Variants in CUBN observed in about 807,000 individuals in gnomAD.
CUBN encodes cubilin.
In CUBN, 282 loss-of-function variants were observed where a neutral mutation model predicts 405.3. That is an observed-to-expected ratio of 0.70 (90% CI 0.63 to 0.77). The LOEUF is 0.77. Ranked by LOEUF, CUBN falls within the 30% of genes least tolerant of loss-of-function variation. The probability of loss-of-function intolerance (pLI) is 0.00; values close to 1 mark genes in which losing one functional copy is unlikely to be tolerated. For missense variants in CUBN, 4,514 were observed against 4,475.2 expected, an observed-to-expected ratio of 1.01 and a Z score of -0.25; for synonymous variants, 1,684 against 1,617.0, an observed-to-expected ratio of 1.04 and a Z score of -0.99.
At chr10:16,898,172 A>G (rs1387421182) in intron 54 of CUBN, among the ~76,000 whole-genome samples, 4 of 151,926 alleles carry the variant, frequency 2.6e-5, no homozygotes, top group Admixed American at 2.0e-4. Context: ...ATAGGAAGTA[A>G]TAACACTGAC....
At position 16,888,428 on chromosome 10, in the gene CUBN, A is replaced by G. The variant is rs117620008; in HGVS notation, c.8894T>C (p.Phe2965Ser). Residue 2965 changes from phenylalanine (F) to serine (S), a missense_variant, in exon 56 of 67, where the codon TTC (phenylalanine) becomes TCC (serine). Physicochemically the swap from Phe to Ser is radical, Grantham distance 155. Coordinates refer to ENST00000377833, the MANE Select transcript of CUBN (RefSeq NM_001081.4). ...LSVVLLTFVS[F>S]HLEARSAVTG... is the part of the protein sequence containing the mutation. Reference sequence around the variant, plus strand: ...AAGAATAAACTTACCTTCTAAGTGGAAGGACACAAAAGTCAAGAGGACCAC... The same window carrying G: ...AAGAATAAACTTACCTTCTAAGTGGGAGGACACAAAAGTCAAGAGGACCAC... The G allele has an allele frequency of 2.1e-3, 3,363 of 1,613,028 alleles. 5 individuals carry two copies. The highest frequency in any genetic ancestry group is 2.7e-3 in the Non-Finnish European group (3,156 of 1,179,082).
At chr10:16,976,822 C>G (rs72773273) in intron 31 of CUBN, among the ~76,000 whole-genome samples, 2 of 152,068 alleles carry the variant, frequency 1.3e-5, no homozygotes, top group Non-Finnish European at 2.9e-5. Flanking sequence ...CACTATTTAT[C>G]TCTTCATCTC....
intron 59 of CUBN, among the ~76,000 whole-genome samples, chr10:16,855,757 A>G (rs1010245213): frequency 3.3e-5 from 5 of 152,210 alleles, no homozygotes; most frequent in African/African-American, 4.8e-5. Context: ...CAATTCACAA[A>G]ATATACACAC....
intron 56 of CUBN, among the ~76,000 whole-genome samples, chr10:16,887,427 C>A (rs1405003785): frequency 6.6e-6 from 1 of 152,212 alleles, no homozygotes. Flanking sequence ...TAAATCTACT[C>A]TGTAACATAT....
At chr10:16,962,194 C>A (rs76209010) in intron 31 of CUBN, among the ~76,000 whole-genome samples, 26,939 of 152,046 alleles carry the variant, frequency 0.18, 2,475 homozygotes, top group Non-Finnish European at 0.19. Context: ...ATACTGTTCA[C>A]AAGAATAAGT....
chr10:16,941,234 T>C (rs530327010), intron 36 of CUBN, among the ~76,000 whole-genome samples: 39 of 152,254 alleles, frequency 2.6e-4, no homozygotes, highest in African/African-American at 8.7e-4. Flanking sequence ...ATTCAATCCA[T>C]GGTGCCAAGA....
chr10:17,019,404 A>C (rs1447552112), intron 28 of CUBN, among the ~76,000 whole-genome samples: 1 of 151,590 alleles, frequency 6.6e-6, no homozygotes, highest in Non-Finnish European at 1.5e-5. Flanking sequence ...TCCCTGTCTG[A>C]CTTTCATTCT....
intron 28 of CUBN, among the ~76,000 whole-genome samples, chr10:16,994,802 AATACCAGCCAGGCGTGGTAG>A (rs1291281390): frequency 4.6e-5 from 7 of 152,230 alleles, no homozygotes; most frequent in African/African-American, 9.6e-5. Flanking sequence ...AAAAGATGAA[AATACCAGCCAGGCGTGGTAG>A]TTCACACCTG....
At chr10:17,094,469 C>A (rs541287706) in intron 14 of CUBN, among the ~76,000 whole-genome samples, 2 of 152,122 alleles carry the variant, frequency 1.3e-5, no homozygotes, top group Non-Finnish European at 2.9e-5. Flanking sequence ...GGTCTGTTTG[C>A]AAATGGCATG....
Position 16,925,567 on chromosome 10 carries a change from G to A in CUBN, c.6462+17C>T. 6.2e-7 allele frequency: 1 copy of A among 1,613,612 alleles called. No individual in the cohort carries two copies. The highest frequency in any genetic ancestry group is 8.5e-7 in the Non-Finnish European group (1 of 1,179,832). On this transcript the variant is annotated intron_variant, in intron 42 of 66. Transcript: ENST00000377833. The stretch of plus-strand genomic sequence containing the variant: ...TCTATGGAAAATGTAATTAGAAAGG[G>A]TAGCAGCAAGACCTACCACCAAGTA...
chr10:16,868,784 C>A (rs1840261619), intron 59 of CUBN, among the ~76,000 whole-genome samples: 1 of 152,104 alleles, frequency 6.6e-6, no homozygotes, highest in African/African-American at 2.4e-5. Flanking sequence ...CTACATCACC[C>A]TCTCCAGTCC....
intron 60 of CUBN, among the ~76,000 whole-genome samples, chr10:16,841,790 G>C (rs1839356867): frequency 6.6e-6 from 1 of 150,784 alleles, no homozygotes; most frequent in African/African-American, 2.4e-5. Flanking sequence ...GTACACCCCT[G>C]TAATCCCATA....
intron 34 of CUBN, among the ~76,000 whole-genome samples, chr10:16,948,988 G>C (rs1842854505): frequency 6.6e-6 from 1 of 152,140 alleles, no homozygotes; most frequent in African/African-American, 2.4e-5. Context: ...AGGCTACCTG[G>C]ATTCAGCCCC....
chr10:16,865,465 C>T (rs1010944058), intron 59 of CUBN, among the ~76,000 whole-genome samples: 2 of 151,614 alleles, frequency 1.3e-5, no homozygotes, highest in Non-Finnish European at 2.9e-5. Context: ...CATGTGTGCT[C>T]TGGGCAACAG....
At position 16,890,491 on chromosome 10, in the gene CUBN, GCAGGGCTT is replaced by G; in HGVS notation, c.8627_8634del (p.Lys2876ThrfsTer18). 6.2e-7 allele frequency: 1 copy of G among 1,614,152 alleles called. No homozygotes were observed. Among genetic ancestry groups the G allele is most frequent in the Admixed American group, 1.7e-5 (1 of 60,020 alleles). On this transcript the variant is annotated frameshift_variant, in exon 55 of 67. Transcript: ENST00000377833. LOFTEE classifies it high-confidence loss of function. Reference sequence around the variant, plus strand: ...GCCACGTTCCCACAGCCAGTGGCTAGCAGGGCTTTGTCCACCTCCTCAGTTCCTGCCCA... The same window carrying G: ...GCCACGTTCCCACAGCCAGTGGCTAGTGTCCACCTCCTCAGTTCCTGCCCA...
chr10:17,104,765 A>T (rs1836582488), intron 11 of CUBN, among the ~76,000 whole-genome samples, 160 bp from the exon 12 acceptor site: 1 of 147,080 alleles, frequency 6.8e-6, no homozygotes, highest in African/African-American at 2.5e-5. Flanking sequence ...ATTTAAAAAT[A>T]ATTATTATTT....
intron 22 of CUBN, among the ~76,000 whole-genome samples, chr10:17,049,883 T>C (rs1352826874): frequency 1.3e-5 from 2 of 152,214 alleles, no homozygotes; most frequent in Non-Finnish European, 2.9e-5. Context: ...TTGTAATTGT[T>C]TTTATGTGAG....
chr10:16,844,196 G>A (rs1311692528), intron 60 of CUBN, among the ~76,000 whole-genome samples: 1 of 151,004 alleles, frequency 6.6e-6, no homozygotes, highest in Non-Finnish European at 1.5e-5. Context: ...TTGAACCCGG[G>A]AGGCAGAGGT....
intron 58 of CUBN, among the ~76,000 whole-genome samples, chr10:16,872,367 TAGAC>T (rs1272186018): frequency 6.6e-6 from 1 of 151,316 alleles, no homozygotes; most frequent in Non-Finnish European, 1.5e-5. Flanking sequence ...TATAGATAGA[TAGAC>T]AGATAAAGAG....
Sources: gnomAD v4.1 joint callset for allele counts (sites outside exome capture counted in the v4.1 genomes callset) on GRCh38, gnomAD v4.1.1 for gene constraint, MANE v1.5 for transcripts, NCBI Gene and HGNC (gene_info 2026-07-23, HGNC 2026-07-21) for gene names.